Variants in INO80 observed in about 807,000 individuals in gnomAD.
INO80 encodes the protein chromatin-remodeling ATPase INO80.
In INO80, 20 loss-of-function variants were observed where a neutral mutation model predicts 203.4. That is an observed-to-expected ratio of 0.10 (90% CI 0.07 to 0.14). The LOEUF (loss-of-function observed/expected upper bound fraction) is 0.14. Ranked by LOEUF, INO80 falls within the 10% of genes least tolerant of loss-of-function variation. The pLI is 1.00. For missense variants in INO80, 1,419 were observed against 1,914.4 expected, an observed-to-expected ratio of 0.74 and a Z score of 4.83; for synonymous variants, 726 against 685.2, an observed-to-expected ratio of 1.06 and a Z score of -0.93.
chr15:41,089,487 C>T (rs1228024467), intron 5 of INO80, among the ~76,000 whole-genome samples: 1 of 152,148 alleles, frequency 6.6e-6, no homozygotes, highest in East Asian at 1.9e-4. Flanking sequence ...CGGGGTGGCT[C>T]ACCCCTGTAA....
chr15:41,027,573 C>CT, intron 25 of INO80, 23 bp downstream of exon 25: 1 of 1,564,192 alleles, frequency 6.4e-7, no homozygotes, highest in South Asian at 1.2e-5. Context: ...TCTATTTCAT[C>CT]TCTTCCCTCC....
chr15:41,054,121 C>T, intron 18 of INO80, 107 bp from the exon 19 acceptor site: 2 of 780,760 alleles, frequency 2.6e-6, no homozygotes, highest in South Asian at 2.0e-5. Context: ...ACTCCTTTGG[C>T]TCAATGATTC....
At chr15:41,022,667 G>C (rs922771370) in intron 25 of INO80, among the ~76,000 whole-genome samples, 7 of 152,184 alleles carry the variant, frequency 4.6e-5, no homozygotes, top group Admixed American at 3.3e-4. Flanking sequence ...GTTTGCTAGG[G>C]AGCAGTGCCA....
At chr15:41,002,166 C>T (rs774040015) in intron 28 of INO80, among the ~76,000 whole-genome samples, 7 of 152,068 alleles carry the variant, frequency 4.6e-5, no homozygotes, top group Non-Finnish European at 7.4e-5. Flanking sequence ...TGATGGTTAC[C>T]CAAATGTTGA....
intron 29 of INO80, among the ~76,000 whole-genome samples, chr15:40,993,310 G>A (rs1208427725): frequency 4.6e-5 from 7 of 151,904 alleles, no homozygotes; most frequent in African/African-American, 9.7e-5. Context: ...ATGAACAACC[G>A]GAGAAACTAT....
intron 14 of INO80, among the ~76,000 whole-genome samples, chr15:41,061,425 T>G (rs1403076091): frequency 7.7e-6 from 1 of 129,912 alleles, no homozygotes; most frequent in East Asian, 2.1e-4. Context: ...GCCAACATGG[T>G]GAAACACCGT....
intron 29 of INO80, among the ~76,000 whole-genome samples, chr15:40,994,659 C>G (rs1174250089): frequency 6.6e-6 from 1 of 152,026 alleles, no homozygotes; most frequent in African/African-American, 2.4e-5. Flanking sequence ...GCCACTGCAC[C>G]TGGCCCCATA....
intron 24 of INO80, among the ~76,000 whole-genome samples, chr15:41,038,496 T>G (rs566742830): frequency 6.6e-6 from 1 of 152,210 alleles, no homozygotes; most frequent in Non-Finnish European, 1.5e-5. Flanking sequence ...TGCCTTCTCT[T>G]TTTAATCTGT....
At chr15:41,020,561 C>T (rs980442799) in intron 26 of INO80, among the ~76,000 whole-genome samples, 1 of 151,954 alleles carries the variant, frequency 6.6e-6, no homozygotes, top group African/African-American at 2.4e-5. Context: ...TGACGACATT[C>T]TCATTCATTC....
intron 7 of INO80, among the ~76,000 whole-genome samples, chr15:41,083,475 G>A (rs555223112): frequency 4.6e-5 from 7 of 152,084 alleles, no homozygotes; most frequent in African/African-American, 1.7e-4. Context: ...GAAAGCTGAG[G>A]TGAGCAGCTC....
intron 14 of INO80, among the ~76,000 whole-genome samples, chr15:41,060,868 C>T (rs1378089946): frequency 2.0e-5 from 3 of 152,192 alleles, no homozygotes; most frequent in African/African-American, 7.2e-5. Context: ...AGAGCCCACA[C>T]TTATCTCTAT....
At chr15:41,005,103 A>G (rs2044018393) in intron 28 of INO80, among the ~76,000 whole-genome samples, 1 of 151,346 alleles carries the variant, frequency 6.6e-6, no homozygotes, top group Admixed American at 6.6e-5. Flanking sequence ...GCCGAGGCAC[A>G]AGAATTGTTT....
At chr15:41,060,121 T>G (rs1186093361) in intron 14 of INO80, among the ~76,000 whole-genome samples, 195 bp from the exon 15 acceptor site, 1 of 152,206 alleles carries the variant, frequency 6.6e-6, no homozygotes, top group Non-Finnish European at 1.5e-5. Flanking sequence ...TTCATTTGTC[T>G]GAAGGCATAA....
chr15:41,092,395 G>A (rs555661070), intron 4 of INO80, among the ~76,000 whole-genome samples: 25 of 152,070 alleles, frequency 1.6e-4, no homozygotes, highest in Non-Finnish European at 3.1e-4. Flanking sequence ...TAAAACATGG[G>A]ACATGTTATC....
At chr15:41,090,517 A>G (rs1455464564) in intron 5 of INO80, among the ~76,000 whole-genome samples, 1 of 152,204 alleles carries the variant, frequency 6.6e-6, no homozygotes, top group African/African-American at 2.4e-5. Context: ...CAGAGGCTGC[A>G]GTGAGCCAAG....
At chr15:41,079,616 A>T in intron 9 of INO80, 85 bp downstream of exon 9, 5 of 1,075,356 alleles carry the variant, frequency 4.6e-6, no homozygotes, top group Non-Finnish European at 7.1e-6. Flanking sequence ...GTCATTGGTT[A>T]GATGTACAAT....
At chr15:41,111,698 G>T (rs977962835) in intron 1 of INO80, among the ~76,000 whole-genome samples, 2 of 151,900 alleles carry the variant, frequency 1.3e-5, no homozygotes, top group Non-Finnish European at 2.9e-5. Context: ...AGCTACTCGG[G>T]AGGCTGAGGC....
At chr15:41,026,255 T>C (rs2044372895) in intron 25 of INO80, among the ~76,000 whole-genome samples, 1 of 152,056 alleles carries the variant, frequency 6.6e-6, no homozygotes, top group Non-Finnish European at 1.5e-5. Flanking sequence ...CTTCTTTTAA[T>C]AGAACTGTGA....
At position 41,072,022 on chromosome 15, in the gene INO80, C is replaced by T. The variant is rs1275639824; in HGVS notation, c.1432G>A (p.Ala478Thr). 6.3e-7 allele frequency: 1 copy of T among 1,599,442 alleles called. No homozygotes were observed. The highest frequency in any genetic ancestry group is 1.8e-5 in the Admixed American group (1 of 56,922). Residue 478 changes from alanine to threonine, a missense_variant, in exon 12 of 36, where the codon GCA (alanine) becomes ACA (threonine). Transcript: ENST00000648947. Reference protein sequence around the residue: ...SFDEDAKESRAAALRAANKSG... With the variant: ...SFDEDAKESRTAALRAANKSG... ...TTGTTTGCTGCCCGTAGGGCAGCTG[C>T]TCGACTTTCTTTTGCATCTTCATCA...
Sources: allele counts gnomAD v4.1 joint callset (sites outside exome capture counted in the v4.1 genomes callset), GRCh38; gene constraint gnomAD v4.1.1; transcripts MANE v1.5; gene names NCBI Gene and HGNC (gene_info 2026-07-23, HGNC 2026-07-21).